The following ABCC8 variants were observed in gnomAD, a reference collection of about 807,000 sequenced individuals.
The protein encoded by ABCC8 is ATP binding cassette subfamily C member 8, also known as ATP-binding cassette sub-family C member 8.
ABCC8 carries 137 observed loss-of-function variants against 188.0 expected under a neutral mutation model. The observed-to-expected ratio is 0.73, with a 90% CI of 0.63 to 0.84. The LOEUF (loss-of-function observed/expected upper bound fraction) is 0.84, where lower values mean the gene tolerates loss of function less well. ABCC8 is among the 40% of genes least tolerant of loss of function. The pLI is 0.00. For synonymous variants in ABCC8, 797 were observed against 846.5 expected (o/e 0.94, Z 1.01); for missense variants, 1,750 against 2,072.7 (o/e 0.84, Z 3.02).
chr11:17,463,310 C>G, intron 4 of ABCC8, 128 bp downstream of exon 4: 1 of 809,292 alleles, frequency 1.2e-6, no homozygotes. Context: ...CCCCTTTACA[C>G]GGGCGGGTAA....
intron 36 of ABCC8, among the ~76,000 whole-genome samples, chr11:17,394,843 C>A (rs918395000): frequency 1.1e-4 from 16 of 152,162 alleles, no homozygotes; most frequent in African/African-American, 3.9e-4. Context: ...TCCCCTAAGG[C>A]AGAACTGGGC....
Position 17,394,969 on chromosome 11 carries a change from G to T in ABCC8, c.4411+203C>A. ...CCGCTGTACCCTGCAGGAGGAGCCA[G>T]ACCCTGAACTGACCAGTTGTGTGAC... is the stretch of plus-strand genomic sequence containing the variant. On this transcript the variant is annotated intron_variant, in intron 36 of 38. Coordinates refer to ENST00000389817, the MANE Select transcript of ABCC8 (RefSeq NM_000352.6). 6.2e-6 allele frequency: 4 copies of T among 648,198 alleles called. No individual in the cohort carries two copies. The South Asian group carries it at 7.5e-5, about 12-fold the overall frequency. The allele number at this position is 648,198 out of a possible 1,614,324, so 40.2% of individuals were successfully genotyped here.
At position 17,462,090 on chromosome 11, in the gene ABCC8, G is replaced by A. The variant is rs528647250; in HGVS notation, c.580-265C>T. On this transcript the variant is annotated intron_variant, in intron 4 of 38. Transcript: ENST00000389817. ...CTGGGTTGGGTTTAGGTTGGGTTGG[G>A]GAGGAGCAGGAATCTCTCATATGCT... is the stretch of plus-strand genomic sequence containing the variant. Among the ~76,000 whole-genome samples, 6 of 152,252 alleles carry A rather than the reference G, an allele frequency of 3.9e-5. No individual in the cohort carries two copies. The East Asian group carries it at 1.2e-3, about 29-fold the overall frequency.
rs542157938 is a variant in ABCC8 at position 17,397,296 on chromosome 11, G to A, written c.3885C>T (p.Asn1295=). 20 of 1,612,244 alleles carry A rather than the reference G, an allele frequency of 1.2e-5. No homozygotes were observed. In the South Asian group the frequency reaches 2.1e-4, roughly 17 times the overall value. The part of the protein sequence containing the change: ...TYALMVSNYL[N]WMVRNLADME... ...TGTCTGCCAGGTTCCTCACCATCCA[G>A]TTGAGGTAGTTGGAGACCTGTGGGG... The change falls in exon 32 of 39, where the codon AAC becomes AAT. Residue 1295 remains asparagine, a synonymous_variant. Coordinates refer to ENST00000389817, the MANE Select transcript of ABCC8 (RefSeq NM_000352.6).
chr11:17,413,493 G>C lies in ABCC8; in HGVS notation c.2391-15C>G. The C allele has an allele frequency of 6.2e-7, 1 of 1,613,462 alleles. No homozygotes were observed. The highest frequency in any genetic ancestry group is 8.5e-7 in the Non-Finnish European group (1 of 1,180,034). The stretch of plus-strand genomic sequence containing the variant: ...CCATCTTGTACCTGGCGTGGGTAGA[G>C]GCAGGGGATGCAGCTGGTCAGCCTG... On this transcript the variant is annotated splice_polypyrimidine_tract_variant and intron_variant, in intron 19 of 38. Coordinates refer to ENST00000389817, the MANE Select transcript of ABCC8 (RefSeq NM_000352.6).
chr11:17,473,430 G>A (rs879327380), intron 2 of ABCC8, among the ~76,000 whole-genome samples: 4 of 152,156 alleles, frequency 2.6e-5, no homozygotes, highest in Non-Finnish European at 4.4e-5. Flanking sequence ...GGACATTGGG[G>A]AAGGGAAGGT....
rs1953987481 is a variant in ABCC8 at position 17,397,300 on chromosome 11, A to G, written c.3881T>C (p.Leu1294Pro). The G allele has an allele frequency of 6.2e-7, 1 of 1,611,966 alleles. No individual in the cohort carries two copies. The highest frequency in any genetic ancestry group is 8.5e-7 in the Non-Finnish European group (1 of 1,179,968). Residue 1294 changes from leucine to proline, a missense_variant, in exon 32 of 39, where the codon CTC becomes CCC. Transcript: ENST00000389817. ...LTYALMVSNY[L>P]NWMVRNLADM... Reference sequence around the variant, plus strand: ...TGCCAGGTTCCTCACCATCCAGTTGAGGTAGTTGGAGACCTGTGGGGAGCA... The same window carrying G: ...TGCCAGGTTCCTCACCATCCAGTTGGGGTAGTTGGAGACCTGTGGGGAGCA...
rs944344071 is a variant in ABCC8, at chr11:17,428,085, A to C, written c.2041-143T>G. 3 of 1,584,572 alleles carry C rather than the reference A, an allele frequency of 1.9e-6. No individual in the cohort carries two copies. In the East Asian group the frequency reaches 6.7e-5, roughly 36 times the overall value. On this transcript the variant is annotated intron_variant, in intron 14 of 38. Transcript: ENST00000389817. ...ATCACTTCCAGAGCAGGGGAGTGGG[A>C]GACTGGCCTTCTCATGCTGACCCTT...
At position 17,416,942 on chromosome 11, in the gene ABCC8, C is replaced by T; in HGVS notation, c.2243G>A (p.Gly748Glu). Reference protein sequence around the residue: ...FWSSLPDSEIGEDPSPERETA... With the variant: ...FWSSLPDSEIEEDPSPERETA... ...CCCAAGGCTGTACCTGGGGTCCTCT[C>T]CTATCTCGCTGTCAGGAAGGCTGCT... Residue 748 changes from glycine to glutamate, a missense_variant, in exon 17 of 39, where the codon GGA becomes GAA. Transcript: ENST00000389817. 1 of 1,611,036 alleles carries T rather than the reference C, an allele frequency of 6.2e-7. No individual in the cohort carries two copies. The highest frequency in any genetic ancestry group is 1.1e-5 in the South Asian group (1 of 91,040).
In ABCC8 at chr11:17,437,127, C is replaced by T. The variant is rs1006468703; in HGVS notation, c.1631-4883G>A. Among the ~76,000 whole-genome samples the T allele has an allele frequency of 5.0e-4, 67 of 134,848 alleles. 1 individual carries two copies. The highest frequency in any genetic ancestry group is 4.5e-4 in the Admixed American group (6 of 13,256). 88.5% of individuals were successfully genotyped at this position (134,848 alleles called of 152,430 possible). ...AAAAAAAAAAAAAAAAAGACTTATT[C>T]ATTCAAAAAAGGTATCCCTGTTCCA... On this transcript the variant is annotated intron_variant, in intron 10 of 38. Coordinates refer to ENST00000389817, the MANE Select transcript of ABCC8 (RefSeq NM_000352.6).
chr11:17,405,452 G>A (rs1313461794), intron 27 of ABCC8, 42 bp downstream of exon 27: 5 of 1,613,860 alleles, frequency 3.1e-6, no homozygotes, highest in South Asian at 1.1e-5. Context: ...GGGGTCCGAG[G>A]TGTCTCTGGA....
rs778997556 is a variant in ABCC8, at chr11:17,394,320, C to T, written c.4491G>A (p.Arg1497=). 4.3e-6 allele frequency: 7 copies of T among 1,614,048 alleles called. No homozygotes were observed. Among genetic ancestry groups the T allele is most frequent in the Non-Finnish European group, 5.9e-6 (7 of 1,180,042 alleles). The change falls in exon 37 of 39, where the codon AGG becomes AGA. Residue 1497 remains arginine (R), a synonymous_variant. Transcript: ENST00000389817. ...QLFCLARAFV[R]KTSIFIMDEA... is the part of the protein sequence containing the mutation. ...CGTCCATGATGAAGATGCTGGTCTT[C>T]CTCACGAAGGCCCGGGCCAGGCAGA...
At chr11:17,476,156 A>G (rs1848759022) in intron 1 of ABCC8, among the ~76,000 whole-genome samples, 3 of 152,104 alleles carry the variant, frequency 2.0e-5, no homozygotes, top group African/African-American at 4.8e-5. Flanking sequence ...CGGTGAAAGC[A>G]TAGGGGTTAG....
chr11:17,407,560 CT>C (rs898430091), intron 23 of ABCC8, 107 bp from the exon 24 acceptor site: 16 of 1,556,874 alleles, frequency 1.0e-5, no homozygotes, highest in Non-Finnish European at 1.4e-5. Flanking sequence ...CAGATTTCTA[CT>C]TTGTCCCTGC....
intron 3 of ABCC8, among the ~76,000 whole-genome samples, chr11:17,469,537 CTT>C (rs1020208978): frequency 2.0e-5 from 3 of 152,000 alleles, no homozygotes; most frequent in Non-Finnish European, 4.4e-5. Flanking sequence ...CAGTAGAAAA[CTT>C]TATCCCCACC....
intron 10 of ABCC8, among the ~76,000 whole-genome samples, chr11:17,432,566 G>A (rs1955897290): frequency 6.6e-6 from 1 of 152,206 alleles, no homozygotes; most frequent in South Asian, 2.1e-4. Context: ...CCAACTGTGA[G>A]GTCAGGAGCA....
intron 3 of ABCC8, among the ~76,000 whole-genome samples, chr11:17,469,056 T>TCCCCCCCCCCCCCCCCCCCCC (rs113636074): frequency 7.5e-6 from 1 of 133,938 alleles, no homozygotes; most frequent in African/African-American, 3.0e-5. Flanking sequence ...TCTCCCTCCC[T>TCCCCCCCCCCCCCCCCCCCCC]CCTCCCTCCC....
At chr11:17,435,687 C>A in intron 10 of ABCC8, 14 of 1,389,542 alleles carry the variant, frequency 1.0e-5, no homozygotes, top group South Asian at 4.6e-5. Context: ...TGGCTGCCAG[C>A]CCTACAGAGG....
intron 7 of ABCC8, among the ~76,000 whole-genome samples, chr11:17,450,982 C>G (rs986112141): frequency 7.9e-5 from 12 of 152,016 alleles, no homozygotes; most frequent in African/African-American, 2.7e-4. Context: ...CCATTGCGCT[C>G]CACCCCCCTA....
Sources: allele counts gnomAD v4.1 joint callset (sites outside exome capture counted in the v4.1 genomes callset), GRCh38; gene constraint gnomAD v4.1.1; transcripts MANE v1.5; gene names NCBI Gene and HGNC (gene_info 2026-07-23, HGNC 2026-07-21).